SESTD1: variants seen among roughly 807,000 people sequenced by gnomAD.
SESTD1 encodes the protein SEC14 and spectrin domain containing 1.
SESTD1 carries 43 observed loss-of-function variants against 101.7 expected under a neutral mutation model. The observed-to-expected ratio is 0.42, with a 90% CI of 0.33 to 0.55. The LOEUF (loss-of-function observed/expected upper bound fraction) is 0.55. Ranked by LOEUF, SESTD1 falls within the 20% of genes least tolerant of loss-of-function variation. The probability of loss-of-function intolerance (pLI) is 0.07; values close to 1 mark genes in which losing one functional copy is unlikely to be tolerated. For missense variants in SESTD1, 647 were observed against 815.1 expected, an observed-to-expected ratio of 0.79 and a Z score of 2.51; for synonymous variants, 283 against 286.8, an observed-to-expected ratio of 0.99 and a Z score of 0.13.
chr2:179,113,961 C>G (rs10803924), intron 16 of SESTD1, among the ~76,000 whole-genome samples: 37,248 of 150,426 alleles, frequency 0.25, 5,272 homozygotes, highest in African/African-American at 0.4. Flanking sequence ...TGTGATTACA[C>G]AGGGTGGGGG....
chr2:179,112,218 G>T (rs548229872), intron 17 of SESTD1, among the ~76,000 whole-genome samples: 3 of 152,284 alleles, frequency 2.0e-5, no homozygotes, highest in African/African-American at 7.2e-5. Flanking sequence ...GTAAGTTTAT[G>T]CTAACTCTTA....
chr2:179,149,112 G>T (rs966143859), intron 7 of SESTD1, among the ~76,000 whole-genome samples, 185 bp downstream of exon 7: 1 of 135,020 alleles, frequency 7.4e-6, no homozygotes, highest in African/African-American at 2.7e-5. Context: ...AAGAAACTCT[G>T]ATTCAAACCA....
At position 179,107,044 on chromosome 2, in the gene SESTD1, G is replaced by A. The variant is rs1251235504; in HGVS notation, c.*2855C>T. ...ATTCCCTGAGATGGGCTAAAGGAAT[G>A]TGGGAGGTTGTGACATATATACCAA... On this transcript the variant is annotated 3_prime_UTR_variant, in exon 18 of 18. Transcript: ENST00000428443. 1 of 152,036 alleles carries A rather than the reference G, an allele frequency of 6.6e-6. No individual in the cohort carries two copies. Among genetic ancestry groups the A allele is most frequent in the African/African-American group, 2.4e-5 (1 of 41,318 alleles). 9.4% of individuals were successfully genotyped at this position (152,036 alleles called of 1,614,324 possible). A position where few individuals can be genotyped will look rare whatever the true frequency, so the allele number is the denominator to read the frequency against.
intron 1 of SESTD1, among the ~76,000 whole-genome samples, chr2:179,210,562 A>G (rs2046638065): frequency 7.4e-6 from 1 of 135,318 alleles, no homozygotes; most frequent in Non-Finnish European, 1.6e-5. Context: ...CCACATAAAC[A>G]AAACAATTAA....
intron 4 of SESTD1, among the ~76,000 whole-genome samples, chr2:179,174,940 T>C (rs1194370604): frequency 1.5e-5 from 1 of 67,666 alleles, no homozygotes; most frequent in Admixed American, 1.8e-4. Context: ...GAGTCCCTGA[T>C]ATAAAAAAAA....
chr2:179,253,130 C>T (rs1051646773), intron 1 of SESTD1, among the ~76,000 whole-genome samples: 1 of 152,154 alleles, frequency 6.6e-6, no homozygotes, highest in Non-Finnish European at 1.5e-5. Flanking sequence ...ACTACTACCC[C>T]CATCCAGCTG....
At chr2:179,118,020 G>C (rs146676885) in intron 13 of SESTD1, among the ~76,000 whole-genome samples, 3 of 152,090 alleles carry the variant, frequency 2.0e-5, no homozygotes, top group African/African-American at 7.2e-5. Context: ...ACCTAGGCTG[G>C]AGTGCAGTGG....
rs997535970 is a variant in SESTD1, at chr2:179,212,866, G to C, written c.-25-21000C>G. 9.6e-5 allele frequency among the ~76,000 whole-genome samples: 13 copies of C among 134,894 alleles called. 3 individuals carry two copies. Among genetic ancestry groups the C allele is most frequent in the African/African-American group, 2.9e-4 (10 of 34,136 alleles). 88.5% of individuals were successfully genotyped at this position (134,894 alleles called of 152,430 possible). On this transcript the variant is annotated intron_variant, in intron 1 of 17. Coordinates refer to ENST00000428443, the MANE Select transcript of SESTD1 (RefSeq NM_178123.5). ...ACCCAGGCAAACAGGGTCTGGAGTG[G>C]ACCTCCAGCAAACTCCAACAGACCT...
chr2:179,258,239 C>T (rs2047428929), intron 1 of SESTD1, among the ~76,000 whole-genome samples: 1 of 152,206 alleles, frequency 6.6e-6, no homozygotes, highest in Non-Finnish European at 1.5e-5. Flanking sequence ...CTAACCTAAA[C>T]TCAGTAATTC....
At chr2:179,251,213 A>G (rs952758527) in intron 1 of SESTD1, among the ~76,000 whole-genome samples, 30 of 152,244 alleles carry the variant, frequency 2.0e-4, no homozygotes, top group Non-Finnish European at 3.7e-4. Context: ...TCTTGAAATG[A>G]CAAAACTATA....
At chr2:179,256,084 A>C (rs1477679118) in intron 1 of SESTD1, among the ~76,000 whole-genome samples, 1 of 152,260 alleles carries the variant, frequency 6.6e-6, no homozygotes, top group Non-Finnish European at 1.5e-5. Context: ...TGGTCATCCA[A>C]GAACTCTGAT....
chr2:179,257,609 T>A (rs1229864384), intron 1 of SESTD1, among the ~76,000 whole-genome samples: 1 of 151,952 alleles, frequency 6.6e-6, no homozygotes, highest in East Asian at 1.9e-4. Context: ...CTGCAAAGGA[T>A]TAAAGACACA....
chr2:179,263,490 G>C (rs531451739), intron 1 of SESTD1, among the ~76,000 whole-genome samples: 3 of 152,124 alleles, frequency 2.0e-5, no homozygotes, highest in Admixed American at 6.5e-5. Flanking sequence ...ATTTTGAGTG[G>C]CAATTTAAAT....
At chr2:179,162,990 CAA>C (rs1219244701) in intron 5 of SESTD1, among the ~76,000 whole-genome samples, 14 of 88,778 alleles carry the variant, frequency 1.6e-4, no homozygotes, top group Non-Finnish European at 1.7e-4. Flanking sequence ...GACTCCGTCT[CAA>C]AAAAAAAAAA....
chr2:179,238,594 T>C (rs762825586), intron 1 of SESTD1, among the ~76,000 whole-genome samples: 3 of 152,172 alleles, frequency 2.0e-5, no homozygotes, highest in Non-Finnish European at 2.9e-5. Context: ...TCATGCCAGT[T>C]TCTGTAAGAA....
At chr2:179,247,203 T>C (rs896073283) in intron 1 of SESTD1, among the ~76,000 whole-genome samples, 3 of 152,206 alleles carry the variant, frequency 2.0e-5, no homozygotes, top group East Asian at 3.9e-4. Context: ...ATATAATGCA[T>C]GCTGATCAGA....
chr2:179,152,807 A>G (rs1277590631), intron 5 of SESTD1, among the ~76,000 whole-genome samples: 1 of 152,158 alleles, frequency 6.6e-6, no homozygotes, highest in Non-Finnish European at 1.5e-5. Flanking sequence ...TTAAATATTT[A>G]TATGAGGAAA....
chr2:179,225,173 T>C (rs1013975910), intron 1 of SESTD1, among the ~76,000 whole-genome samples: 7 of 152,082 alleles, frequency 4.6e-5, no homozygotes, highest in East Asian at 1.9e-4. Context: ...AGCTGGCAAA[T>C]TGATTGGTTG....
chr2:179,127,668 C>T (rs960782418), intron 10 of SESTD1, among the ~76,000 whole-genome samples: 1 of 152,184 alleles, frequency 6.6e-6, no homozygotes, highest in Non-Finnish European at 1.5e-5. Context: ...TTACGACAGA[C>T]ATTTATCTGG....
Sources: gnomAD v4.1 joint callset for allele counts (sites outside exome capture counted in the v4.1 genomes callset) on GRCh38, gnomAD v4.1.1 for gene constraint, MANE v1.5 for transcripts, NCBI Gene and HGNC (gene_info 2026-07-23, HGNC 2026-07-21) for gene names.